The following FHIT variants were observed in gnomAD, a reference collection of about 807,000 sequenced individuals.
FHIT encodes fragile histidine triad diadenosine triphosphatase.
In FHIT, 19 loss-of-function variants were observed where a neutral mutation model predicts 17.9. The ratio of observed to expected loss-of-function variants is 1.06; its 90% confidence interval spans 0.74 to 1.56. The LOEUF is 1.56. FHIT is among the 40% of genes most tolerant of loss of function. The pLI is 0.00. For missense variants in FHIT, 248 were observed against 189.2 expected, an observed-to-expected ratio of 1.31 and a Z score of -1.82; for synonymous variants, 81 against 69.7, an observed-to-expected ratio of 1.16 and a Z score of -0.81.
chr3:60,505,414 T>C (rs2034687822), intron 5 of FHIT, among the ~76,000 whole-genome samples: 1 of 152,202 alleles, frequency 6.6e-6, no homozygotes, highest in African/African-American at 2.4e-5. Context: ...TAGCTGTTAT[T>C]ACTAAATATA....
At chr3:60,188,293 C>A (rs1467175447) in intron 5 of FHIT, among the ~76,000 whole-genome samples, 6 of 149,040 alleles carry the variant, frequency 4.0e-5, no homozygotes, top group African/African-American at 1.5e-4. Flanking sequence ...CAACTTATGT[C>A]CCAGCTTTCT....
chr3:60,621,953 C>A (rs899134907), intron 4 of FHIT, among the ~76,000 whole-genome samples: 1 of 151,996 alleles, frequency 6.6e-6, no homozygotes, highest in Admixed American at 6.6e-5. Flanking sequence ...AGCTAGTATG[C>A]CAATGAGGTG....
chr3:60,105,347 C>A (rs1451597918), intron 5 of FHIT, among the ~76,000 whole-genome samples: 1 of 152,202 alleles, frequency 6.6e-6, no homozygotes, highest in Non-Finnish European at 1.5e-5. Flanking sequence ...CACACAAAAT[C>A]TCTCGATAAT....
intron 5 of FHIT, among the ~76,000 whole-genome samples, chr3:60,281,140 A>G (rs1168409657): frequency 1.0e-5 from 1 of 96,678 alleles, no homozygotes; most frequent in Non-Finnish European, 2.1e-5. Context: ...TAAAAATCTA[A>G]CAATATATGT....
chr3:60,171,182 G>A (rs1341868648), intron 5 of FHIT, among the ~76,000 whole-genome samples: 1 of 152,014 alleles, frequency 6.6e-6, no homozygotes, highest in Non-Finnish European at 1.5e-5. Context: ...ATTTCTGAGG[G>A]ATGCTATTTT....
intron 3 of FHIT, among the ~76,000 whole-genome samples, chr3:60,840,224 G>A (rs1274011673): frequency 6.6e-6 from 1 of 152,158 alleles, no homozygotes; most frequent in African/African-American, 2.4e-5. Context: ...ACCCAGGCAG[G>A]CCAGGATATA....
intron 5 of FHIT, among the ~76,000 whole-genome samples, chr3:60,377,475 T>C (rs1355023015): frequency 0.016 from 1,801 of 113,270 alleles, 55 homozygotes; most frequent in African/African-American, 0.058. Flanking sequence ...TTTTTTTTTT[T>C]TTTTTTTTTT....
At chr3:61,201,668 G>C (rs1457380187) in intron 1 of FHIT, among the ~76,000 whole-genome samples, 2 of 152,050 alleles carry the variant, frequency 1.3e-5, no homozygotes, top group Admixed American at 6.6e-5. Context: ...CAGACTTACG[G>C]GCTAAGATGT....
intron 5 of FHIT, among the ~76,000 whole-genome samples, chr3:60,485,670 AG>A (rs1240523407): frequency 1.3e-5 from 2 of 151,928 alleles, no homozygotes; most frequent in Non-Finnish European, 2.9e-5. Flanking sequence ...GGGCAAGGGG[AG>A]GGAACTTAGA....
At chr3:60,750,691 C>T (rs1001584996) in intron 4 of FHIT, among the ~76,000 whole-genome samples, 26 of 152,068 alleles carry the variant, frequency 1.7e-4, no homozygotes, top group Admixed American at 2.6e-4. Flanking sequence ...ACCCAGTCTC[C>T]GATATATCTT....
At chr3:60,823,368 A>AT (rs1424608061) in intron 3 of FHIT, among the ~76,000 whole-genome samples, 1 of 152,138 alleles carries the variant, frequency 6.6e-6, no homozygotes, top group East Asian at 1.9e-4. Context: ...ATGTGACCTT[A>AT]TTTGGTAATA....
At chr3:60,460,556 A>G (rs2032396990) in intron 5 of FHIT, among the ~76,000 whole-genome samples, 1 of 152,222 alleles carries the variant, frequency 6.6e-6, no homozygotes, top group South Asian at 2.1e-4. Flanking sequence ...ATAATATTAT[A>G]AACCTAGAAA....
intron 5 of FHIT, among the ~76,000 whole-genome samples, chr3:60,510,761 A>G (rs2034920723): frequency 6.6e-6 from 1 of 152,166 alleles, no homozygotes; most frequent in African/African-American, 2.4e-5. Flanking sequence ...TACAATTACG[A>G]ATCCAAAATA....
intron 5 of FHIT, among the ~76,000 whole-genome samples, chr3:60,389,347 G>T (rs1701136211): frequency 6.6e-6 from 1 of 152,098 alleles, no homozygotes; most frequent in African/African-American, 2.4e-5. Flanking sequence ...CGGTGCCTTT[G>T]AACACTAACT....
chr3:60,205,206 T>A (rs540720926), intron 5 of FHIT, among the ~76,000 whole-genome samples: 7 of 152,276 alleles, frequency 4.6e-5, no homozygotes, highest in Admixed American at 2.6e-4. Context: ...TTACCGCCAC[T>A]GGACATAATG....
chr3:60,640,815 T>C (rs1553685121), intron 4 of FHIT, among the ~76,000 whole-genome samples: 1 of 152,252 alleles, frequency 6.6e-6, no homozygotes, highest in East Asian at 1.9e-4. Context: ...AGTCCTTATC[T>C]GCTAAATAAA....
At chr3:60,846,910 G>A (rs187996468) in intron 3 of FHIT, among the ~76,000 whole-genome samples, 1 of 151,674 alleles carries the variant, frequency 6.6e-6, no homozygotes, top group Admixed American at 6.6e-5. Context: ...TGCAACCTCC[G>A]CCTCCCAGGT....
intron 4 of FHIT, among the ~76,000 whole-genome samples, chr3:60,658,825 C>T (rs1553690327): frequency 6.6e-6 from 1 of 151,828 alleles, no homozygotes; most frequent in East Asian, 1.9e-4. Flanking sequence ...TTATAATTGC[C>T]CACATTTTTA....
chr3:61,213,209 G>A (rs1019942082), intron 1 of FHIT, among the ~76,000 whole-genome samples: 14 of 152,124 alleles, frequency 9.2e-5, no homozygotes, highest in African/African-American at 3.1e-4. Flanking sequence ...ACACAGACTG[G>A]CAAATTGGAT....
Sources: allele counts gnomAD v4.1 joint callset (sites outside exome capture counted in the v4.1 genomes callset), GRCh38; gene constraint gnomAD v4.1.1; transcripts MANE v1.5; gene names NCBI Gene and HGNC (gene_info 2026-07-23, HGNC 2026-07-21).